Variants in RNF150 observed in about 807,000 individuals in gnomAD.
RNF150 encodes the protein ring finger protein 150.
RNF150 carries 24 observed loss-of-function variants against 39.3 expected under a neutral mutation model. That is an observed-to-expected ratio of 0.61 (90% CI 0.44 to 0.86). The LOEUF is 0.86. RNF150 is among the 40% of genes least tolerant of loss of function. The pLI is 0.00. For missense variants in RNF150, 502 were observed against 587.8 expected (o/e 0.85, Z 1.51); for synonymous variants, 255 against 227.3 (o/e 1.12, Z -1.10).
chr4:140,941,541 C>T (rs1732081750), intron 4 of RNF150, among the ~76,000 whole-genome samples: 1 of 152,026 alleles, frequency 6.6e-6, no homozygotes. Context: ...TTTTAGTCAC[C>T]CTTCTGTTAT....
At chr4:141,206,514 T>A (rs1303884898) in intron 1 of RNF150, among the ~76,000 whole-genome samples, 1 of 149,044 alleles carries the variant, frequency 6.7e-6, no homozygotes, top group African/African-American at 2.5e-5. Context: ...AGCTTTCAAA[T>A]GAGGATGTCA....
At chr4:140,926,854 T>C (rs1195097653) in intron 4 of RNF150, among the ~76,000 whole-genome samples, 1 of 152,184 alleles carries the variant, frequency 6.6e-6, no homozygotes, top group African/African-American at 2.4e-5. Context: ...GACTCCAGAC[T>C]ACAGGCAGAA....
intron 1 of RNF150, among the ~76,000 whole-genome samples, chr4:141,174,142 C>T (rs1727771690): frequency 6.6e-6 from 1 of 152,186 alleles, no homozygotes. Flanking sequence ...AGTTACATTT[C>T]CTGCTTTCCC....
At position 141,108,122 on chromosome 4, in the gene RNF150, C is replaced by A. The variant is rs1020612527; in HGVS notation, c.484+24203G>T. ...CATTCAGGGAGAAATGGTGTGAAAG[C>A]ACTCTCTCCAAATATAGCTCACATC... On this transcript the variant is annotated intron_variant, in intron 1 of 6. Coordinates refer to ENST00000515673, the MANE Select transcript of RNF150 (RefSeq NM_020724.2). Among the ~76,000 whole-genome samples the A allele has an allele frequency of 2.0e-5, 3 of 152,284 alleles. No homozygotes were observed. The East Asian group carries it at 5.8e-4, about 29-fold the overall frequency.
At chr4:140,973,531 C>T (rs1007159693) in intron 1 of RNF150, among the ~76,000 whole-genome samples, 2 of 143,650 alleles carry the variant, frequency 1.4e-5, no homozygotes, top group Non-Finnish European at 3.0e-5. Flanking sequence ...TCTTATACCC[C>T]TCTCATTTGA....
At chr4:140,911,855 C>A (rs946990128) in intron 5 of RNF150, among the ~76,000 whole-genome samples, 3 of 152,064 alleles carry the variant, frequency 2.0e-5, no homozygotes, top group Non-Finnish European at 4.4e-5. Flanking sequence ...TACATACATA[C>A]CCTCAAACAC....
chr4:141,068,850 G>C (rs1737567839), intron 1 of RNF150, among the ~76,000 whole-genome samples: 1 of 126,800 alleles, frequency 7.9e-6, no homozygotes, highest in Non-Finnish European at 1.7e-5. Context: ...TCATGATTTG[G>C]CTCTCTGTTT....
At chr4:141,054,443 T>A (rs1171949914) in intron 1 of RNF150, among the ~76,000 whole-genome samples, 1 of 152,072 alleles carries the variant, frequency 6.6e-6, no homozygotes, top group African/African-American at 2.4e-5. Context: ...TATATTAACA[T>A]GAACATGAAT....
intron 1 of RNF150, among the ~76,000 whole-genome samples, chr4:141,068,471 A>G (rs971084319): frequency 3.3e-5 from 5 of 152,080 alleles, no homozygotes; most frequent in Admixed American, 2.0e-4. Flanking sequence ...GCCTTGTAGT[A>G]TAGTTTGAAG....
chr4:141,186,922 T>C (rs183635557), intron 1 of RNF150, among the ~76,000 whole-genome samples: 4 of 151,630 alleles, frequency 2.6e-5, no homozygotes, highest in African/African-American at 9.8e-5. Flanking sequence ...CTCTTGCTTC[T>C]CTAGTTCTTT....
At chr4:141,057,174 A>C (rs1478039003) in intron 1 of RNF150, among the ~76,000 whole-genome samples, 2 of 152,110 alleles carry the variant, frequency 1.3e-5, no homozygotes, top group Non-Finnish European at 2.9e-5. Flanking sequence ...ATTTTGGGAT[A>C]GTAAGTACTT....
At chr4:141,110,601 A>C (rs1388115879) in intron 1 of RNF150, among the ~76,000 whole-genome samples, 4 of 137,488 alleles carry the variant, frequency 2.9e-5, no homozygotes, top group Non-Finnish European at 5.9e-5. Flanking sequence ...TTAATGAGGA[A>C]GGGGTCTTGC....
At chr4:141,206,419 C>CAA (rs58176149) in intron 1 of RNF150, among the ~76,000 whole-genome samples, 72 of 64,178 alleles carry the variant, frequency 1.1e-3, no homozygotes, top group African/African-American at 3.4e-3. Context: ...GACTCAATCT[C>CAA]AAAAAAAAAA....
chr4:140,899,787 G>A (rs1730106731), intron 6 of RNF150, among the ~76,000 whole-genome samples: 1 of 151,734 alleles, frequency 6.6e-6, no homozygotes. Context: ...AATCACTTCA[G>A]CTGCAATATA....
intron 1 of RNF150, among the ~76,000 whole-genome samples, chr4:141,031,630 T>A (rs1735949023): frequency 6.6e-6 from 1 of 152,038 alleles, no homozygotes; most frequent in South Asian, 2.1e-4. Context: ...GATATGCAAA[T>A]GGCCAACATG....
chr4:141,169,353 T>C (rs1727661960), intron 1 of RNF150, among the ~76,000 whole-genome samples: 1 of 152,304 alleles, frequency 6.6e-6, no homozygotes, highest in Admixed American at 6.5e-5. Flanking sequence ...AGCATCATAT[T>C]TCCTGAACAG....
chr4:141,182,163 A>G (rs1238019042), intron 1 of RNF150, among the ~76,000 whole-genome samples: 1 of 147,314 alleles, frequency 6.8e-6, no homozygotes, highest in Non-Finnish European at 1.5e-5. Flanking sequence ...TAAATTAGAT[A>G]TTGATGGGAC....
intron 1 of RNF150, among the ~76,000 whole-genome samples, chr4:141,050,526 T>C (rs1367796061): frequency 6.6e-6 from 1 of 152,200 alleles, no homozygotes; most frequent in Non-Finnish European, 1.5e-5. Context: ...GGTACAGGCA[T>C]TGCCTAAATA....
intron 1 of RNF150, among the ~76,000 whole-genome samples, chr4:141,044,771 G>GCACACA (rs71584391): frequency 0.096 from 14,008 of 146,514 alleles, 809 homozygotes; most frequent in Non-Finnish European, 0.14. Context: ...GGTGTGCAGC[G>GCACACA]CACACACACA....
Sources: gnomAD v4.1 joint callset for allele counts (sites outside exome capture counted in the v4.1 genomes callset) on GRCh38, gnomAD v4.1.1 for gene constraint, MANE v1.5 for transcripts, NCBI Gene and HGNC (gene_info 2026-07-23, HGNC 2026-07-21) for gene names.